PLXDC2: variants seen among roughly 807,000 people sequenced by gnomAD.
PLXDC2 encodes the protein plexin domain-containing protein 2.
A neutral mutation model predicts 68.9 loss-of-function variants in PLXDC2; 40 were observed. That is an observed-to-expected ratio of 0.58 (90% CI 0.45 to 0.76). The LOEUF (loss-of-function observed/expected upper bound fraction) is 0.76. PLXDC2 is among the 30% of genes least tolerant of loss of function. PLXDC2 has a pLI of 0.00. For synonymous variants in PLXDC2, 243 were observed against 234.2 expected (o/e 1.04, Z -0.34); for missense variants, 644 against 661.9 (o/e 0.97, Z 0.30).
intron 1 of PLXDC2, among the ~76,000 whole-genome samples, chr10:19,931,952 AGTGT>A (rs33953625): frequency 0.058 from 8,662 of 149,718 alleles, 304 homozygotes; most frequent in Middle Eastern, 0.13. Context: ...TAATTTGGGA[AGTGT>A]GTGTGTGTGT....
intron 13 of PLXDC2, among the ~76,000 whole-genome samples, chr10:20,278,919 C>T (rs565913003): frequency 3.9e-5 from 6 of 152,172 alleles, no homozygotes; most frequent in South Asian, 2.1e-4. Context: ...TTTGATAACC[C>T]AGTAATTCAT....
chr10:19,989,653 TTTC>T (rs1834712478), intron 1 of PLXDC2, among the ~76,000 whole-genome samples: 1 of 152,118 alleles, frequency 6.6e-6, no homozygotes, highest in Non-Finnish European at 1.5e-5. Context: ...TTTTAATTGT[TTTC>T]TTATTTCCTT....
chr10:20,164,370 C>T (rs1834344849), intron 6 of PLXDC2, 98 bp from the exon 7 acceptor site: 5 of 985,324 alleles, frequency 5.1e-6, no homozygotes, highest in Non-Finnish European at 7.9e-6. Context: ...TTATCTCCTT[C>T]CCATGGTTTT....
At chr10:20,234,663 C>CTTT (rs58791520) in intron 12 of PLXDC2, among the ~76,000 whole-genome samples, 6 of 125,402 alleles carry the variant, frequency 4.8e-5, no homozygotes, top group African/African-American at 1.5e-4. Context: ...GGGTTTCTTT[C>CTTT]TTTTTTTTTT....
intron 1 of PLXDC2, among the ~76,000 whole-genome samples, chr10:19,872,216 G>A (rs1215003520): frequency 6.6e-6 from 1 of 152,218 alleles, no homozygotes; most frequent in Non-Finnish European, 1.5e-5. Flanking sequence ...GGCAACGCAG[G>A]TCAAGTAGGA....
chr10:20,216,035 A>T (rs1397528595), intron 10 of PLXDC2, among the ~76,000 whole-genome samples: 1 of 152,066 alleles, frequency 6.6e-6, no homozygotes, highest in African/African-American at 2.4e-5. Flanking sequence ...ATTATTCTCC[A>T]GCTGTGCCTG....
At position 19,946,273 on chromosome 10, in the gene PLXDC2, G is replaced by A. The variant is rs539251290; in HGVS notation, c.113-55502G>A. Among the ~76,000 whole-genome samples the A allele has an allele frequency of 3.3e-5, 5 of 152,116 alleles. No individual in the cohort carries two copies. In the South Asian group the frequency reaches 1.0e-3, roughly 32 times the overall value. On this transcript the variant is annotated intron_variant, in intron 1 of 13. Transcript: ENST00000377252. ...ATAGGGGATGGGGAAGCCTCTCATT[G>A]TTTAAATTAAAAAAACATTAATATT...
intron 1 of PLXDC2, among the ~76,000 whole-genome samples, chr10:19,911,501 TA>T (rs139552438): frequency 0.065 from 9,858 of 152,186 alleles, 730 homozygotes; most frequent in African/African-American, 0.18. Context: ...CTTGTGATGG[TA>T]AAAAAGTAGG....
intron 1 of PLXDC2, among the ~76,000 whole-genome samples, chr10:19,889,275 G>A (rs569714256): frequency 2.0e-5 from 3 of 151,392 alleles, no homozygotes; most frequent in Admixed American, 6.6e-5. Context: ...TTTCATTGCC[G>A]GTTATTTTTA....
At chr10:20,167,811 A>T (rs117117372) in intron 7 of PLXDC2, among the ~76,000 whole-genome samples, 3,238 of 152,282 alleles carry the variant, frequency 0.021, 54 homozygotes, top group Non-Finnish European at 0.032. Context: ...CCATTACTAT[A>T]TCATTCTTAT....
chr10:20,083,658 C>T (rs904439352), intron 4 of PLXDC2, among the ~76,000 whole-genome samples: 1 of 152,060 alleles, frequency 6.6e-6, no homozygotes. Flanking sequence ...AAAGAGTATG[C>T]AGTATAAAGC....
intron 4 of PLXDC2, among the ~76,000 whole-genome samples, chr10:20,133,759 G>C (rs992082271): frequency 6.6e-6 from 1 of 152,070 alleles, no homozygotes; most frequent in African/African-American, 2.4e-5. Context: ...CCAGATTTGG[G>C]AAGTTTTCTG....
chr10:20,273,405 G>C (rs1040196065), intron 13 of PLXDC2, among the ~76,000 whole-genome samples: 1 of 152,038 alleles, frequency 6.6e-6, no homozygotes, highest in African/African-American at 2.4e-5. Flanking sequence ...TCTAGAGGAG[G>C]AGATGTTATG....
chr10:20,053,541 C>A lies in PLXDC2; in HGVS notation c.471+6526C>A, dbSNP rs557577824. On this transcript the variant is annotated intron_variant, in intron 3 of 13. Coordinates refer to ENST00000377252, the MANE Select transcript of PLXDC2 (RefSeq NM_032812.9). ...ACCTAGAAACCAGCCTGGACTTGTTCTTTTCCCTCTTGGTAGACATTTCAA... is the reference window on the plus strand; with the variant it reads ...ACCTAGAAACCAGCCTGGACTTGTTATTTTCCCTCTTGGTAGACATTTCAA... Among the ~76,000 whole-genome samples the A allele has an allele frequency of 1.1e-4, 16 of 152,246 alleles. No individual in the cohort carries two copies. In the East Asian group the frequency reaches 3.1e-3, roughly 29 times the overall value.
intron 9 of PLXDC2, among the ~76,000 whole-genome samples, chr10:20,203,454 A>G (rs1285051928): frequency 6.6e-6 from 1 of 151,680 alleles, no homozygotes; most frequent in Non-Finnish European, 1.5e-5. Context: ...ACAGGCATGC[A>G]CCACCATGCC....
At chr10:19,994,419 C>T (rs1834808568) in intron 1 of PLXDC2, among the ~76,000 whole-genome samples, 1 of 142,364 alleles carries the variant, frequency 7.0e-6, no homozygotes, top group Non-Finnish European at 1.5e-5. Context: ...GCCTTGTCTT[C>T]CTAGGCTCAA....
At chr10:20,095,993 G>A (rs921579493) in intron 4 of PLXDC2, among the ~76,000 whole-genome samples, 1 of 152,094 alleles carries the variant, frequency 6.6e-6, no homozygotes, top group African/African-American at 2.4e-5. Context: ...AATTCATGAG[G>A]GAGACATAGT....
chr10:20,158,354 A>G (rs1004096457), intron 6 of PLXDC2, among the ~76,000 whole-genome samples: 8 of 143,866 alleles, frequency 5.6e-5, no homozygotes, highest in Admixed American at 1.4e-4. Context: ...AATTTGCCCA[A>G]TACTTCTAAA....
chr10:20,279,028 A>G (rs2119397613), intron 13 of PLXDC2, among the ~76,000 whole-genome samples: 1 of 152,296 alleles, frequency 6.6e-6, no homozygotes, highest in South Asian at 2.1e-4. Flanking sequence ...GTATTTTAGG[A>G]CTAGTGTCTA....
Sources: gnomAD v4.1 joint callset for allele counts (sites outside exome capture counted in the v4.1 genomes callset) on GRCh38, gnomAD v4.1.1 for gene constraint, MANE v1.5 for transcripts, NCBI Gene and HGNC (gene_info 2026-07-23, HGNC 2026-07-21) for gene names.